NRP1: variants seen among roughly 807,000 people sequenced by gnomAD.
NRP1 encodes neuropilin 1.
In NRP1, 35 loss-of-function variants were observed where a neutral mutation model predicts 106.7. The ratio of observed to expected loss-of-function variants is 0.33; its 90% CI spans 0.25 to 0.43. The LOEUF (loss-of-function observed/expected upper bound fraction) is 0.43, where lower values mean the gene tolerates loss of function less well. NRP1 is among the 20% of genes least tolerant of loss of function. NRP1 has a pLI of 1.00. For missense variants in NRP1, 1,024 were observed against 1,170.4 expected (o/e 0.87, Z 1.83); for synonymous variants, 437 against 417.9 (o/e 1.05, Z -0.56).
intron 11 of NRP1, chr10:33,202,576 G>GGGGT (rs1837415580): frequency 4.2e-6 from 6 of 1,419,276 alleles, no homozygotes; most frequent in East Asian, 2.6e-5. Context: ...TTGGGGGGGG[G>GGGGT]TCTGAAAATA....
At chr10:33,197,279 G>A (rs182659539) in intron 12 of NRP1, among the ~76,000 whole-genome samples, 3 of 152,344 alleles carry the variant, frequency 2.0e-5, no homozygotes, top group Non-Finnish European at 2.9e-5. Context: ...TTGCCTGCCT[G>A]GGTTTTGCAG....
At chr10:33,230,805 C>T (rs1266251908) in intron 6 of NRP1, among the ~76,000 whole-genome samples, 1 of 152,110 alleles carries the variant, frequency 6.6e-6, no homozygotes, top group South Asian at 2.1e-4. Flanking sequence ...GGCTTCTGTG[C>T]ATGTAAAATT....
At chr10:33,196,187 T>C (rs776200394) in intron 12 of NRP1, among the ~76,000 whole-genome samples, 3 of 152,160 alleles carry the variant, frequency 2.0e-5, no homozygotes, top group Non-Finnish European at 2.9e-5. Flanking sequence ...TAACGATCCC[T>C]ACCCCCTTTC....
chr10:33,265,984 C>T (rs1343603134), intron 3 of NRP1, among the ~76,000 whole-genome samples: 1 of 151,930 alleles, frequency 6.6e-6, no homozygotes, highest in African/African-American at 2.4e-5. Flanking sequence ...ATTTTATATC[C>T]ACAGTGTAGA....
chr10:33,222,930 G>A lies in NRP1; in HGVS notation c.1138-1067C>T, dbSNP rs138276798. Among the ~76,000 whole-genome samples the A allele has an allele frequency of 4.0e-3, 608 of 152,294 alleles. 1 individual carries two copies. Among genetic ancestry groups the A allele is most frequent in the Non-Finnish European group, 5.1e-3 (348 of 68,022 alleles). Reference sequence around the variant, plus strand: ...TGGGGGCCACTCTGCCTGGGCGGGGGGCTGCAGCAGCATTCTCCAGTAAGA... The same window carrying A: ...TGGGGGCCACTCTGCCTGGGCGGGGAGCTGCAGCAGCATTCTCCAGTAAGA... On this transcript the variant is annotated intron_variant, in intron 7 of 16. Transcript: ENST00000374867.
chr10:33,286,260 A>T (rs1241828890), intron 2 of NRP1, among the ~76,000 whole-genome samples: 2 of 152,222 alleles, frequency 1.3e-5, no homozygotes, highest in Non-Finnish European at 2.9e-5. Flanking sequence ...TTACTTTAGC[A>T]AGACAGGGAT....
At chr10:33,327,937 G>A (rs1848005267) in intron 2 of NRP1, among the ~76,000 whole-genome samples, 1 of 151,958 alleles carries the variant, frequency 6.6e-6, no homozygotes, top group Non-Finnish European at 1.5e-5. Context: ...ATTTTCCATG[G>A]ATCTAATCTC....
intron 4 of NRP1, among the ~76,000 whole-genome samples, chr10:33,258,904 A>G (rs1842384495): frequency 6.6e-6 from 1 of 152,146 alleles, no homozygotes; most frequent in Admixed American, 6.5e-5. Flanking sequence ...GTCCACTCAG[A>G]CTTCCTCACT....
At chr10:33,200,195 C>T (rs1056469781) in intron 11 of NRP1, among the ~76,000 whole-genome samples, 26 of 152,100 alleles carry the variant, frequency 1.7e-4, no homozygotes, top group African/African-American at 6.0e-4. Context: ...TTTTTAAAAC[C>T]GATATGCATT....
rs1818943642 is a variant in NRP1, at chr10:33,178,020, A to G, written c.*2056T>C. 1.3e-5 allele frequency: 2 copies of G among 152,666 alleles called. No homozygotes were observed. The highest frequency in any genetic ancestry group is 4.8e-5 in the African/African-American group (2 of 41,464). The allele number at this position is 152,666 out of a possible 1,614,324, so 9.5% of individuals were successfully genotyped here. On this transcript the variant is annotated 3_prime_UTR_variant, in exon 17 of 17. Coordinates refer to ENST00000374867, the MANE Select transcript of NRP1 (RefSeq NM_003873.7). ...TTTAAGTCTGTTGCCTTTAAAAACA[A>G]CAAACGAGTGTTTCTTAGTGCTTTC...
intron 6 of NRP1, among the ~76,000 whole-genome samples, chr10:33,248,292 G>A (rs6481841): frequency 1 from 151,876 of 152,200 alleles, 75,779 homozygotes; most frequent in Middle Eastern, 1. Flanking sequence ...TCTGTCTCAA[G>A]AAAAAAGTGC....
chr10:33,188,446 C>T (rs1836166002), intron 13 of NRP1, among the ~76,000 whole-genome samples: 1 of 152,092 alleles, frequency 6.6e-6, no homozygotes, highest in African/African-American at 2.4e-5. Flanking sequence ...ATTTCCAGTG[C>T]CCAACACAGC....
At chr10:33,185,196 T>A (rs1835920889) in intron 15 of NRP1, among the ~76,000 whole-genome samples, 1 of 152,244 alleles carries the variant, frequency 6.6e-6, no homozygotes, top group Non-Finnish European at 1.5e-5. Flanking sequence ...CTTCTATGGT[T>A]CATTAACAAT....
At chr10:33,327,830 T>G (rs1208067375) in intron 2 of NRP1, among the ~76,000 whole-genome samples, 1 of 152,160 alleles carries the variant, frequency 6.6e-6, no homozygotes, top group Non-Finnish European at 1.5e-5. Context: ...AGAAAGATAG[T>G]GAAAGGAATG....
chr10:33,189,052 C>T (rs1191229220), intron 13 of NRP1, among the ~76,000 whole-genome samples: 1 of 151,420 alleles, frequency 6.6e-6, no homozygotes, highest in Non-Finnish European at 1.5e-5. Flanking sequence ...CTCCAATGGA[C>T]CTTTTATCCA....
At chr10:33,216,642 A>G (rs1390175499) in intron 8 of NRP1, among the ~76,000 whole-genome samples, 1 of 147,852 alleles carries the variant, frequency 6.8e-6, no homozygotes, top group African/African-American at 2.5e-5. Context: ...TGGTCTCGCT[A>G]TGTTGCCCAG....
chr10:33,198,291 A>C (rs1418052929), intron 11 of NRP1, among the ~76,000 whole-genome samples: 2 of 151,608 alleles, frequency 1.3e-5, no homozygotes, highest in African/African-American at 4.9e-5. Context: ...ACAGGCGTGC[A>C]CTACCATGCC....
At chr10:33,281,950 G>A (rs2133377303) in intron 2 of NRP1, among the ~76,000 whole-genome samples, 1 of 152,166 alleles carries the variant, frequency 6.6e-6, no homozygotes, top group East Asian at 1.9e-4. Flanking sequence ...ATCTCCCAGG[G>A]GACTCTGTAT....
intron 10 of NRP1, among the ~76,000 whole-genome samples, chr10:33,205,131 G>A (rs914037804): frequency 6.6e-6 from 1 of 152,190 alleles, no homozygotes; most frequent in African/African-American, 2.4e-5. Flanking sequence ...ATTCCCTTAG[G>A]TGTCTCCCCT....
Sources: gnomAD v4.1 joint callset for allele counts (sites outside exome capture counted in the v4.1 genomes callset) on GRCh38, gnomAD v4.1.1 for gene constraint, MANE v1.5 for transcripts, NCBI Gene and HGNC (gene_info 2026-07-23, HGNC 2026-07-21) for gene names.